ANTXR2: variants seen among roughly 807,000 people sequenced by gnomAD.
ANTXR2 encodes ANTXR cell adhesion molecule 2.
Under a neutral mutation model 73.7 loss-of-function variants are expected in ANTXR2, and 44 were observed. The observed-to-expected ratio is 0.60, with a 90% confidence interval of 0.47 to 0.77. The LOEUF is 0.77. ANTXR2 is among the 30% of genes least tolerant of loss of function. ANTXR2 has a pLI of 0.00. For synonymous variants in ANTXR2, 217 were observed against 205.9 expected (o/e 1.05, Z -0.46); for missense variants, 604 against 592.5 (o/e 1.02, Z -0.20).
At chr4:79,990,624 G>C (rs1305393594) in intron 12 of ANTXR2, among the ~76,000 whole-genome samples, 4 of 151,914 alleles carry the variant, frequency 2.6e-5, no homozygotes, top group African/African-American at 9.7e-5. Context: ...TAGAATTAGA[G>C]AAAACTATTA....
At chr4:80,056,534 C>T (rs1389776740) in intron 3 of ANTXR2, among the ~76,000 whole-genome samples, 1 of 151,840 alleles carries the variant, frequency 6.6e-6, no homozygotes, top group Non-Finnish European at 1.5e-5. Context: ...GATTTATTCA[C>T]TTTTATGACA....
At chr4:80,004,267 C>G (rs867969548) in intron 12 of ANTXR2, among the ~76,000 whole-genome samples, 3 of 151,744 alleles carry the variant, frequency 2.0e-5, no homozygotes, top group Non-Finnish European at 4.4e-5. Flanking sequence ...GTTTTCTTTT[C>G]TTTTTTGTAA....
intron 10 of ANTXR2, among the ~76,000 whole-genome samples, chr4:80,027,990 A>C (rs1187893576): frequency 1.3e-5 from 2 of 152,156 alleles, no homozygotes; most frequent in Admixed American, 1.3e-4. Context: ...TTTAGAAATA[A>C]ATTTCTAAAT....
chr4:80,037,328 T>C (rs1733026908), intron 7 of ANTXR2, among the ~76,000 whole-genome samples: 1 of 152,152 alleles, frequency 6.6e-6, no homozygotes, highest in South Asian at 2.1e-4. Flanking sequence ...ACAGCAAAAC[T>C]ATAAGTTCTC....
chr4:79,915,197 T>C (rs1339548249), intron 16 of ANTXR2, among the ~76,000 whole-genome samples: 3 of 152,128 alleles, frequency 2.0e-5, no homozygotes, highest in African/African-American at 7.2e-5. Flanking sequence ...ACTCTGCAGT[T>C]AAATAAACCA....
intron 8 of ANTXR2, among the ~76,000 whole-genome samples, chr4:80,035,465 T>C (rs1225357587): frequency 6.6e-6 from 1 of 152,168 alleles, no homozygotes; most frequent in African/African-American, 2.4e-5. Flanking sequence ...AATCACACTC[T>C]GTCTGGGCAA....
intron 12 of ANTXR2, among the ~76,000 whole-genome samples, chr4:79,996,964 A>AT (rs911969346): frequency 9.3e-5 from 14 of 150,082 alleles, no homozygotes; most frequent in African/African-American, 2.5e-4. Context: ...TTCTTCTCCA[A>AT]TTTTTTTTTC....
chr4:80,026,263 C>T (rs1732434711), intron 10 of ANTXR2, among the ~76,000 whole-genome samples: 1 of 152,088 alleles, frequency 6.6e-6, no homozygotes, highest in Non-Finnish European at 1.5e-5. Context: ...TTAAAAGTGG[C>T]CATTTTTCCT....
chr4:79,955,777 A>G (rs1728864410), intron 16 of ANTXR2, among the ~76,000 whole-genome samples: 1 of 152,202 alleles, frequency 6.6e-6, no homozygotes, highest in South Asian at 2.1e-4. Flanking sequence ...CTGATAAATG[A>G]CAGTATCGAG....
intron 12 of ANTXR2, among the ~76,000 whole-genome samples, chr4:79,994,473 C>G (rs1458081998): frequency 3.3e-5 from 5 of 151,982 alleles, no homozygotes; most frequent in African/African-American, 1.2e-4. Context: ...AATAATACAT[C>G]TGAACTCATT....
At chr4:79,981,176 T>C (rs1729874601) in intron 14 of ANTXR2, among the ~76,000 whole-genome samples, 1 of 152,112 alleles carries the variant, frequency 6.6e-6, no homozygotes, top group South Asian at 2.1e-4. Flanking sequence ...AAATTAATGT[T>C]TGAAAATGTT....
At chr4:80,041,694 C>T (rs905568899) in intron 7 of ANTXR2, among the ~76,000 whole-genome samples, 2 of 152,046 alleles carry the variant, frequency 1.3e-5, no homozygotes, top group African/African-American at 2.4e-5. Context: ...ATTCAGCTCC[C>T]GCTTGTAAGT....
chr4:79,934,951 A>G (rs1728201341), intron 16 of ANTXR2, among the ~76,000 whole-genome samples: 1 of 152,148 alleles, frequency 6.6e-6, no homozygotes, highest in Non-Finnish European at 1.5e-5. Flanking sequence ...CCTTCTGTTA[A>G]GAAAACTGGG....
intron 16 of ANTXR2, among the ~76,000 whole-genome samples, chr4:79,950,703 G>A (rs1342344730): frequency 6.6e-6 from 1 of 152,154 alleles, no homozygotes; most frequent in Non-Finnish European, 1.5e-5. Context: ...AGACCAGACT[G>A]TTCCTCAGTC....
chr4:79,943,795 C>CA (rs879714733), intron 16 of ANTXR2, among the ~76,000 whole-genome samples: 1 of 151,582 alleles, frequency 6.6e-6, no homozygotes, highest in Non-Finnish European at 1.5e-5. Context: ...TGTTTTTAAG[C>CA]AAAAACAAGA....
At chr4:79,909,805 T>G (rs1347766143) in intron 16 of ANTXR2, among the ~76,000 whole-genome samples, 2 of 152,188 alleles carry the variant, frequency 1.3e-5, no homozygotes, top group African/African-American at 4.8e-5. Context: ...TGGGTGTAAT[T>G]TTATTTTTCA....
At chr4:80,066,540 A>G (rs988975780) in intron 3 of ANTXR2, among the ~76,000 whole-genome samples, 3 of 152,250 alleles carry the variant, frequency 2.0e-5, no homozygotes, top group African/African-American at 7.2e-5. Context: ...TCCTTTTAAG[A>G]AGGGCAATAT....
intron 12 of ANTXR2, among the ~76,000 whole-genome samples, chr4:79,987,930 A>G (rs1730264744): frequency 1.3e-5 from 2 of 152,096 alleles, no homozygotes; most frequent in South Asian, 2.1e-4. Context: ...AAGGGAATCC[A>G]TTACTATCAG....
Position 80,055,352 on chromosome 4 carries a change from A to G in ANTXR2, c.486+8T>C, listed in dbSNP as rs1383638950. On this transcript the variant is annotated splice_region_variant and intron_variant, in intron 5 of 16. Coordinates refer to ENST00000403729, the MANE Select transcript of ANTXR2 (RefSeq NM_058172.6). Reference sequence around the variant, plus strand: ...GGGTGTAGAGAACAGTCTCAGTTCAATACTCACCTCTTTCTCTGCATATGA... The same window carrying G: ...GGGTGTAGAGAACAGTCTCAGTTCAGTACTCACCTCTTTCTCTGCATATGA... 6.2e-7 allele frequency: 1 copy of G among 1,605,444 alleles called. No homozygotes were observed. The highest frequency in any genetic ancestry group is 1.1e-5 in the South Asian group (1 of 90,524).
Sources: gnomAD v4.1 joint callset for allele counts (sites outside exome capture counted in the v4.1 genomes callset) on GRCh38, gnomAD v4.1.1 for gene constraint, MANE v1.5 for transcripts, NCBI Gene and HGNC (gene_info 2026-07-23, HGNC 2026-07-21) for gene names.